The following MSTO1 variants were observed in gnomAD, a reference collection of about 807,000 sequenced individuals.
The protein encoded by MSTO1 is protein misato homolog 1.
Under a neutral mutation model 55.7 loss-of-function variants are expected in MSTO1, and 24 were observed. The observed-to-expected ratio is 0.43, with a 90% CI of 0.31 to 0.61. The LOEUF is 0.61. Among genes scored for constraint, MSTO1 ranks in the 20% least tolerant of loss-of-function variants. The probability of loss-of-function intolerance (pLI) is 0.09; values close to 1 mark genes in which losing one functional copy is unlikely to be tolerated. For synonymous variants in MSTO1, 162 were observed against 252.8 expected (o/e 0.64, Z 3.41); for missense variants, 363 against 625.7 (o/e 0.58, Z 4.48).
At chr1:155,565,267 C>T in the MSTO1 span, among the ~76,000 whole-genome samples, 1 of 149,500 alleles carries the variant, frequency 6.7e-6, no homozygotes, top group African/African-American at 2.5e-5. Context: ...TGCATTCCAG[C>T]CTGGGAGACG....
intron 11 of MSTO1, 60 bp downstream of exon 11, chr1:155,613,293 C>G: frequency 6.3e-7 from 1 of 1,588,378 alleles, no homozygotes; most frequent in Non-Finnish European, 8.6e-7. Context: ...CCATCTTCCC[C>G]TAATTTCTCT....
In MSTO1 at chr1:155,613,089, C is replaced by T; in HGVS notation, c.1139C>T (p.Pro380Leu). ...GCAATCATCCCTTTCCCCTTGGCTC[C>T]AGGCCAGTCCCTTCCTGATTCCCTG... Reference protein sequence around the residue: ...AGAIIPFPLAPGQSLPDSLMQ... With the variant: ...AGAIIPFPLALGQSLPDSLMQ... The change falls in exon 11 of 14, where the codon CCA (proline) becomes CTA (leucine). Residue 380 changes from proline (P) to leucine (L), a missense_variant. Coordinates refer to ENST00000245564, the MANE Select transcript of MSTO1 (RefSeq NM_018116.4). 6.2e-7 allele frequency: 1 copy of T among 1,613,742 alleles called. No homozygotes were observed. Among genetic ancestry groups the T allele is most frequent in the Admixed American group, 1.7e-5 (1 of 60,010 alleles).
rs753971525 is a variant in MSTO1, at chr1:155,612,331, G to C, written c.813+15G>C. 2.5e-6 allele frequency: 4 copies of C among 1,576,364 alleles called. No individual in the cohort carries two copies. Among genetic ancestry groups the C allele is most frequent in the Admixed American group, 3.5e-5 (2 of 56,380 alleles). On this transcript the variant is annotated intron_variant, in intron 8 of 13. Transcript: ENST00000245564. The stretch of plus-strand genomic sequence containing the variant: ...ACCATCGTGGGGTGAGTGGAACTTA[G>C]AGAAGTAAACAGTCACACAGTGGGG...
the MSTO1 span, among the ~76,000 whole-genome samples, chr1:155,575,683 A>G: frequency 6.6e-6 from 1 of 151,974 alleles, no homozygotes; most frequent in African/African-American, 2.4e-5. Flanking sequence ...GGCATAAGCA[A>G]TCCTTCTGCC....
Position 155,610,304 on chromosome 1 carries a change from T to C in MSTO1, c.56T>C (p.Phe19Ser), listed in dbSNP as rs2148982000. The change falls in exon 1 of 14, where the codon TTC becomes TCC. Residue 19 changes from phenylalanine (F) to serine (S), a missense_variant. Phe to Ser is a radical substitution (Grantham distance 155). Transcript: ENST00000245564. ...LTLQLGHFAGFVGAHWWNQQD... is the reference protein window; with the variant it reads ...LTLQLGHFAGSVGAHWWNQQD... ...CTGCAGTTGGGACATTTTGCCGGTTTCGTGGGCGCGCACTGGTGGAACCAG... is the reference window on the plus strand; with the variant it reads ...CTGCAGTTGGGACATTTTGCCGGTTCCGTGGGCGCGCACTGGTGGAACCAG... 1 of 1,098,906 alleles carries C rather than the reference T, an allele frequency of 9.1e-7. No homozygotes were observed. Among genetic ancestry groups the C allele is most frequent in the Non-Finnish European group, 1.3e-6 (1 of 777,494 alleles). 68.1% of individuals were successfully genotyped at this position (1,098,906 alleles called of 1,614,324 possible). A position where few individuals can be genotyped will look rare whatever the true frequency, so the allele number is the denominator to read the frequency against.
the MSTO1 span, among the ~76,000 whole-genome samples, chr1:155,569,580 G>T: frequency 6.6e-6 from 1 of 151,684 alleles, no homozygotes; most frequent in South Asian, 2.1e-4. Flanking sequence ...TGGGATTACA[G>T]GTGCCCGCCA....
At chr1:155,612,690 G>A (rs1674517134) in intron 9 of MSTO1, 120 bp downstream of exon 9, 2 of 1,398,016 alleles carry the variant, frequency 1.4e-6, no homozygotes, top group Admixed American at 2.2e-5. Flanking sequence ...CAGCTGTGAT[G>A]TGGCCTCTCA....
At chr1:155,578,336 C>CTT in the MSTO1 span, among the ~76,000 whole-genome samples, 24,667 of 43,860 alleles carry the variant, frequency 0.56, 11,303 homozygotes, top group Middle Eastern at 0.71. Context: ...AACTACCTTT[C>CTT]TTTTTTTTTT....
the MSTO1 span, among the ~76,000 whole-genome samples, chr1:155,575,557 C>T: frequency 6.6e-6 from 1 of 152,030 alleles, no homozygotes; most frequent in African/African-American, 2.4e-5. Flanking sequence ...ATCCTCCCCG[C>T]TCAGCCCCCC....
chr1:155,590,760 C>T, the MSTO1 span: 1 of 1,604,890 alleles, frequency 6.2e-7, no homozygotes, highest in Non-Finnish European at 8.5e-7. Flanking sequence ...CTGAGGCCGC[C>T]CAGCCCAAGT....
At chr1:155,568,463 C>T in the MSTO1 span, among the ~76,000 whole-genome samples, 7 of 146,114 alleles carry the variant, frequency 4.8e-5, no homozygotes, top group South Asian at 2.2e-4. Flanking sequence ...TTTTGAGATG[C>T]GGTCTCACTC....
At chr1:155,588,815 A>G in the MSTO1 span, among the ~76,000 whole-genome samples, 1 of 152,176 alleles carries the variant, frequency 6.6e-6, no homozygotes. Context: ...TCAGCTGATT[A>G]TTTAATTACA....
chr1:155,567,761 C>T, the MSTO1 span, among the ~76,000 whole-genome samples: 4 of 148,050 alleles, frequency 2.7e-5, no homozygotes, highest in Non-Finnish European at 5.9e-5. Context: ...ATTGGCTGGG[C>T]GTGGTGGCTC....
At chr1:155,588,766 T>C in the MSTO1 span, among the ~76,000 whole-genome samples, 12 of 152,170 alleles carry the variant, frequency 7.9e-5, no homozygotes, top group Non-Finnish European at 1.8e-4. Context: ...CAGGAGATCC[T>C]GAAAGGCTCA....
chr1:155,600,556 C>CTTTTTTTT, the MSTO1 span, among the ~76,000 whole-genome samples: 1 of 149,988 alleles, frequency 6.7e-6, no homozygotes, highest in African/African-American at 2.5e-5. Flanking sequence ...TTTTTTCTTT[C>CTTTTTTTT]TTTTTTTTTG....
At chr1:155,573,688 A>C in the MSTO1 span, among the ~76,000 whole-genome samples, 1 of 152,036 alleles carries the variant, frequency 6.6e-6, no homozygotes, top group Non-Finnish European at 1.5e-5. Flanking sequence ...AAATACAAAA[A>C]TTAGCTGGGC....
the MSTO1 span, chr1:155,563,402 G>C: frequency 2.2e-6 from 1 of 456,620 alleles, no homozygotes; most frequent in Non-Finnish European, 4.4e-6. Context: ...CCAGGAGGTA[G>C]GGAGTGAGGC....
chr1:155,594,665 T>A, the MSTO1 span, among the ~76,000 whole-genome samples: 12 of 151,952 alleles, frequency 7.9e-5, no homozygotes, highest in Non-Finnish European at 1.5e-4. Context: ...TTGCCCATCC[T>A]GATCTCAAAC....
At chr1:155,563,339 T>C in the MSTO1 span, 2 of 455,690 alleles carry the variant, frequency 4.4e-6, no homozygotes, top group Admixed American at 4.7e-5. Flanking sequence ...GGTGAGGGAA[T>C]GGACCGACAC....
Sources: allele counts gnomAD v4.1 joint callset (sites outside exome capture counted in the v4.1 genomes callset), GRCh38; gene constraint gnomAD v4.1.1; transcripts MANE v1.5; gene names NCBI Gene and HGNC (gene_info 2026-07-23, HGNC 2026-07-21).